The following CEP78 variants were observed in gnomAD, a reference collection of about 807,000 sequenced individuals.
CEP78 encodes the protein centrosomal protein of 78 kDa.
In CEP78, 76 loss-of-function variants were observed where a neutral mutation model predicts 81.2. That is an observed-to-expected ratio of 0.94 (90% CI 0.78 to 1.13). The LOEUF (loss-of-function observed/expected upper bound fraction) is 1.13, where lower values mean the gene tolerates loss of function less well. CEP78 is among the 50% of genes most tolerant of loss of function. The pLI, the probability that CEP78 is intolerant of heterozygous loss-of-function variation, is 0.00. For synonymous variants in CEP78, 293 were observed against 301.4 expected (o/e 0.97, Z 0.29); for missense variants, 918 against 846.8 (o/e 1.08, Z -1.04).
intron 15 of CEP78, among the ~76,000 whole-genome samples, chr9:78,266,228 G>A (rs1022351625): frequency 1.3e-5 from 2 of 151,892 alleles, no homozygotes; most frequent in Non-Finnish European, 2.9e-5. Flanking sequence ...ACATAAATTA[G>A]TAATAATTAC....
chr9:78,268,768 C>A (rs1237443818), intron 16 of CEP78, among the ~76,000 whole-genome samples: 1 of 150,580 alleles, frequency 6.6e-6, no homozygotes, highest in Non-Finnish European at 1.5e-5. Context: ...CTGCAAGCTC[C>A]GCCTCAGCCT....
rs531627492 is a variant in CEP78 at position 78,246,849 on chromosome 9, A to G, written c.892+67A>G. ...AAGAAAAAGAATTTCTCATGTATTG[A>G]CAGTTTTGAAAACTTAATGTGTTTC... On this transcript the variant is annotated intron_variant, in intron 6 of 16. Coordinates refer to ENST00000643273, the MANE Select transcript of CEP78 (RefSeq NM_001330691.3). 1.0e-5 allele frequency: 9 copies of G among 894,252 alleles called. No homozygotes were observed. The Admixed American group carries it at 1.6e-4, about 16-fold the overall frequency. The allele number at this position is 894,252 out of a possible 1,614,324, so 55.4% of individuals were successfully genotyped here.
chr9:78,237,981 C>T (rs1360898093), intron 1 of CEP78, among the ~76,000 whole-genome samples: 25 of 132,652 alleles, frequency 1.9e-4, no homozygotes, highest in South Asian at 1.2e-3. Flanking sequence ...AAAAATTAGC[C>T]GGGCGTGGTG....
Position 78,236,260 on chromosome 9 carries a change from G to C in CEP78, c.-91G>C, listed in dbSNP as rs1322540328. The C allele has an allele frequency of 8.5e-7, 1 of 1,180,482 alleles. No homozygotes were observed. The highest frequency in any genetic ancestry group is 1.2e-6 in the Non-Finnish European group (1 of 852,596). 73.1% of individuals were successfully genotyped at this position (1,180,482 alleles called of 1,614,324 possible). ...GGCTGCCGCTATCGCCTGGCCGTGG[G>C]TGCCGGAGCGGCCGGGTTGCGACTC... On this transcript the variant is annotated 5_prime_UTR_variant, in exon 1 of 17. Transcript: ENST00000643273.
chr9:78,237,263 G>A (rs1826000489), intron 1 of CEP78, among the ~76,000 whole-genome samples: 1 of 151,984 alleles, frequency 6.6e-6, no homozygotes, highest in Admixed American at 6.6e-5. Flanking sequence ...TTACAGGCAT[G>A]AGCCACCGCG....
intron 10 of CEP78, 141 bp from the exon 11 acceptor site, chr9:78,254,695 T>A (rs567772708): frequency 4.4e-6 from 2 of 455,286 alleles, no homozygotes; most frequent in Non-Finnish European, 7.6e-6. Context: ...TACTTTGTTA[T>A]TGATTGTGTT....
intron 11 of CEP78, 55 bp downstream of exon 11, chr9:78,255,019 T>G (rs1394109295): frequency 6.7e-7 from 1 of 1,502,068 alleles, no homozygotes; most frequent in Non-Finnish European, 9.1e-7. Context: ...CTCTAGTTAG[T>G]TTTTGGTGAA....
chr9:78,243,751 A>G (rs541155446), intron 5 of CEP78, 115 bp downstream of exon 5: 46 of 717,368 alleles, frequency 6.4e-5, no homozygotes, highest in Middle Eastern at 3.6e-4. Context: ...CTTTTTTCTA[A>G]TAGGTTTTAT....
intron 1 of CEP78, among the ~76,000 whole-genome samples, chr9:78,236,823 C>G (rs180710824): frequency 1.3e-5 from 2 of 152,244 alleles, no homozygotes; most frequent in East Asian, 3.9e-4. Context: ...CGCAAGGATT[C>G]CCTGCGCTGC....
In CEP78 at chr9:78,265,390, A is replaced by G. The variant is rs1171290161; in HGVS notation, c.1644A>G (p.Thr548=). Residue 548 remains threonine, a synonymous_variant, in exon 14 of 17, where the codon ACA becomes ACG. Coordinates refer to ENST00000643273, the MANE Select transcript of CEP78 (RefSeq NM_001330691.3). Reference sequence around the variant, plus strand: ...CGACCAGGCTTGGGCAGCTTGCCACAATGGCTGGGATAGATCAGTCAGATT... The same window carrying G: ...CGACCAGGCTTGGGCAGCTTGCCACGATGGCTGGGATAGATCAGTCAGATT... ...LKDAGLGQLA[T]MAGIDQSDFQ... 4 of 1,598,610 alleles carry G rather than the reference A, an allele frequency of 2.5e-6. No individual in the cohort carries two copies. Among genetic ancestry groups the G allele is most frequent in the Non-Finnish European group, 3.4e-6 (4 of 1,174,454 alleles).
chr9:78,236,195 GC>G lies in CEP78; in HGVS notation c.-155del. 1 of 653,212 alleles carries G rather than the reference GC, an allele frequency of 1.5e-6. No individual in the cohort carries two copies. The highest frequency in any genetic ancestry group is 2.5e-6 in the Non-Finnish European group (1 of 396,920). 40.5% of individuals were successfully genotyped at this position (653,212 alleles called of 1,614,324 possible). A position where few individuals can be genotyped will look rare whatever the true frequency, so the allele number is the denominator to read the frequency against. ...CGGCCTAGCTTGGGGCTCTGGCCTT[GC>G]GTCTTCCGACCGAATCACCGCTCCT... On this transcript the variant is annotated 5_prime_UTR_variant, in exon 1 of 17. Transcript: ENST00000643273.
At position 78,274,170 on chromosome 9, in the gene CEP78, A is replaced by G. The variant is rs1827755533; in HGVS notation, c.*3319A>G. ...GCGATGTATCCATATGGTGGCAAAC[A>G]TGCCACAATTCGGATGAATCTCAAC... On this transcript the variant is annotated 3_prime_UTR_variant, in exon 17 of 17. Transcript: ENST00000643273. 6.6e-6 allele frequency: 1 copy of G among 152,262 alleles called. No homozygotes were observed. Among genetic ancestry groups the G allele is most frequent in the Non-Finnish European group, 1.5e-5 (1 of 68,050 alleles). 9.4% of individuals were successfully genotyped at this position (152,262 alleles called of 1,614,324 possible). A position where few individuals can be genotyped will look rare whatever the true frequency, so the allele number is the denominator to read the frequency against.
chr9:78,240,460 A>G lies in CEP78; in HGVS notation c.499+96A>G, dbSNP rs373525443. The G allele has an allele frequency of 3.2e-4, 318 of 1,009,008 alleles. 1 individual carries two copies. The African/African-American group carries it at 4.6e-3, about 15-fold the overall frequency. The allele number at this position is 1,009,008 out of a possible 1,614,324, so 62.5% of individuals were successfully genotyped here. A position where few individuals can be genotyped will look rare whatever the true frequency, so the allele number is the denominator to read the frequency against. On this transcript the variant is annotated intron_variant, in intron 3 of 16. Coordinates refer to ENST00000643273, the MANE Select transcript of CEP78 (RefSeq NM_001330691.3). ...TCCTGTCTGTACCTTTTTTCTTACT[A>G]CTGCCTCATATGCTTGTTCAAACCT...
intron 11 of CEP78, 35 bp downstream of exon 11, chr9:78,254,999 T>A (rs1563989584): frequency 6.3e-7 from 1 of 1,574,960 alleles, no homozygotes; most frequent in Non-Finnish European, 8.6e-7. Context: ...ATGGAGAAGA[T>A]CATTTCAAAC....
Position 78,248,881 on chromosome 9 carries a change from T to C in CEP78, c.1069+8T>C. Reference sequence around the variant, plus strand: ...AAGCTACTATTAGAATTGGTAACCTTTTCTGTCTTGGCTTTTTAATGCTAC... The same window carrying C: ...AAGCTACTATTAGAATTGGTAACCTCTTCTGTCTTGGCTTTTTAATGCTAC... On this transcript the variant is annotated splice_region_variant and intron_variant, in intron 8 of 16. Coordinates refer to ENST00000643273, the MANE Select transcript of CEP78 (RefSeq NM_001330691.3). 1 of 1,439,694 alleles carries C rather than the reference T, an allele frequency of 6.9e-7. No individual in the cohort carries two copies. The highest frequency in any genetic ancestry group is 9.6e-7 in the Non-Finnish European group (1 of 1,041,818). 89.2% of individuals were successfully genotyped at this position (1,439,694 alleles called of 1,614,324 possible).
chr9:78,265,841 T>C lies in CEP78; in HGVS notation c.1798-18T>C, dbSNP rs1413027849. Reference sequence around the variant, plus strand: ...TTTTCAATTTTATAAATGTCTATTCTATTCATATTCCATCTAGGTTTCTAT... The same window carrying C: ...TTTTCAATTTTATAAATGTCTATTCCATTCATATTCCATCTAGGTTTCTAT... On this transcript the variant is annotated intron_variant, in intron 14 of 16. Coordinates refer to ENST00000643273, the MANE Select transcript of CEP78 (RefSeq NM_001330691.3). The C allele has an allele frequency of 4.1e-6, 5 of 1,231,854 alleles. No homozygotes were observed. The highest frequency in any genetic ancestry group is 5.8e-6 in the Non-Finnish European group (5 of 855,450). The allele number at this position is 1,231,854 out of a possible 1,614,324, so 76.3% of individuals were successfully genotyped here.
chr9:78,246,614 A>C, intron 5 of CEP78, 55 bp from the exon 6 acceptor site: 1 of 1,212,986 alleles, frequency 8.2e-7, no homozygotes, highest in Admixed American at 2.2e-5. Context: ...AAACAAACAA[A>C]CAAACAAAAA....
At chr9:78,246,899 A>G in intron 6 of CEP78, 117 bp downstream of exon 6, 1 of 558,080 alleles carries the variant, frequency 1.8e-6, no homozygotes, top group Non-Finnish European at 3.1e-6. Flanking sequence ...CACTTTTGTA[A>G]TCTTGCACTT....
In CEP78 at chr9:78,266,105, C is replaced by A. The variant is rs552073444; in HGVS notation, c.1845+199C>A. On this transcript the variant is annotated intron_variant, in intron 15 of 16. Transcript: ENST00000643273. ...GTCTCAGACTGGTCTTGGCAACTGA[C>A]GACTTGAAAACTCAGTCTACTTATA... Among the ~76,000 whole-genome samples, 4 of 152,040 alleles carry A rather than the reference C, an allele frequency of 2.6e-5. No individual in the cohort carries two copies. The South Asian group carries it at 8.3e-4, about 32-fold the overall frequency.
Sources: allele counts gnomAD v4.1 joint callset (sites outside exome capture counted in the v4.1 genomes callset), GRCh38; gene constraint gnomAD v4.1.1; transcripts MANE v1.5; gene names NCBI Gene and HGNC (gene_info 2026-07-23, HGNC 2026-07-21).